Variants in CRPPA observed in about 807,000 individuals in gnomAD.
The protein encoded by CRPPA is D-ribitol-5-phosphate cytidylyltransferase.
Under a neutral mutation model 52.0 loss-of-function variants are expected in CRPPA, and 43 were observed. The ratio of observed to expected loss-of-function variants is 0.83; its 90% CI spans 0.65 to 1.07. CRPPA has a LOEUF of 1.07. Ranked by LOEUF, CRPPA falls within the 50% of genes least tolerant of loss-of-function variation. The pLI is 0.00. For missense variants in CRPPA, 629 were observed against 551.7 expected, an observed-to-expected ratio of 1.14 and a Z score of -1.40; for synonymous variants, 250 against 203.5, an observed-to-expected ratio of 1.23 and a Z score of -1.94.
intron 6 of CRPPA, among the ~76,000 whole-genome samples, chr7:16,265,886 G>A (rs1783939780): frequency 1.3e-5 from 2 of 152,112 alleles, no homozygotes. Flanking sequence ...CATAATCTAA[G>A]ATTACACAGC....
chr7:16,258,641 T>C (rs549118434), intron 7 of CRPPA, among the ~76,000 whole-genome samples, 159 bp from the exon 8 acceptor site: 2 of 152,070 alleles, frequency 1.3e-5, no homozygotes, highest in African/African-American at 4.8e-5. Context: ...CATAAAGTTA[T>C]ACATGTCAAA....
At chr7:16,130,777 G>C (rs1562519093) in intron 9 of CRPPA, among the ~76,000 whole-genome samples, 1 of 152,190 alleles carries the variant, frequency 6.6e-6, no homozygotes, top group Non-Finnish European at 1.5e-5. Context: ...TCCTTCTGTA[G>C]ACTGAATATC....
chr7:16,154,509 T>G (rs1292397659), intron 9 of CRPPA, among the ~76,000 whole-genome samples: 1 of 152,084 alleles, frequency 6.6e-6, no homozygotes, highest in Non-Finnish European at 1.5e-5. Flanking sequence ...CAGAGAAGAG[T>G]ATATCATATA....
At chr7:16,225,738 A>T (rs950073381) in intron 8 of CRPPA, among the ~76,000 whole-genome samples, 6 of 151,854 alleles carry the variant, frequency 4.0e-5, no homozygotes, top group East Asian at 1.9e-4. Context: ...TCATTTTTTT[A>T]AAAAAATACT....
At chr7:16,103,144 G>A (rs1377399963) in intron 9 of CRPPA, among the ~76,000 whole-genome samples, 1 of 152,128 alleles carries the variant, frequency 6.6e-6, no homozygotes, top group Non-Finnish European at 1.5e-5. Flanking sequence ...ATGATATTAT[G>A]TCCTTTGCAG....
intron 4 of CRPPA, among the ~76,000 whole-genome samples, chr7:16,307,622 A>G (rs1583507221): frequency 6.7e-6 from 1 of 149,662 alleles, no homozygotes; most frequent in South Asian, 2.2e-4. Context: ...GGAGGTTACA[A>G]TGAGACTGCA....
chr7:16,093,412 C>T (rs1222299638), intron 9 of CRPPA, among the ~76,000 whole-genome samples: 1 of 152,098 alleles, frequency 6.6e-6, no homozygotes, highest in Non-Finnish European at 1.5e-5. Flanking sequence ...TCACCACAAC[C>T]ATTACATGCT....
chr7:16,136,066 C>A (rs954600935), intron 9 of CRPPA, among the ~76,000 whole-genome samples: 1 of 152,152 alleles, frequency 6.6e-6, no homozygotes, highest in Non-Finnish European at 1.5e-5. Context: ...GGGACTACTT[C>A]TTAACAGCTT....
chr7:16,335,031 A>G (rs191852245), intron 3 of CRPPA, among the ~76,000 whole-genome samples: 10 of 152,022 alleles, frequency 6.6e-5, no homozygotes, highest in African/African-American at 2.2e-4. Context: ...CCTCTTAAAG[A>G]CGTTCAGGCC....
chr7:16,259,050 T>A, intron 6 of CRPPA, 38 bp from the exon 7 acceptor site: 1 of 1,375,640 alleles, frequency 7.3e-7, no homozygotes, highest in South Asian at 1.2e-5. Context: ...ACAAATTAGA[T>A]AGACCAAACA....
chr7:16,184,045 G>A (rs995971634), intron 9 of CRPPA, among the ~76,000 whole-genome samples: 9 of 151,950 alleles, frequency 5.9e-5, no homozygotes, highest in Non-Finnish European at 1.0e-4. Context: ...TGGTTCAAGC[G>A]ATTCTCCTGC....
chr7:16,267,720 T>A (rs1018805971), intron 6 of CRPPA, among the ~76,000 whole-genome samples: 2 of 152,204 alleles, frequency 1.3e-5, no homozygotes, highest in African/African-American at 4.8e-5. Context: ...ATGCATAAAG[T>A]TTTTATTTTT....
At chr7:16,174,159 A>G (rs1036594780) in intron 9 of CRPPA, among the ~76,000 whole-genome samples, 1 of 152,216 alleles carries the variant, frequency 6.6e-6, no homozygotes. Context: ...TCCATTTACA[A>G]GACACATTGC....
chr7:16,326,218 C>T (rs1430041818), intron 3 of CRPPA, among the ~76,000 whole-genome samples: 1 of 151,970 alleles, frequency 6.6e-6, no homozygotes, highest in East Asian at 1.9e-4. Flanking sequence ...TTAATGTAAG[C>T]AAAAGCATAT....
Position 16,171,322 on chromosome 7 carries a change from C to T in CRPPA, c.1251+44744G>A, listed in dbSNP as rs75686882. Reference sequence around the variant, plus strand: ...TAAAATTTACACAATAAAATATAAACGTTACTTTTTTTAATACTACTTCTC... The same window carrying T: ...TAAAATTTACACAATAAAATATAAATGTTACTTTTTTTAATACTACTTCTC... On this transcript the variant is annotated intron_variant, in intron 9 of 9. Transcript: ENST00000407010. Among the ~76,000 whole-genome samples, 482 of 152,146 alleles carry T rather than the reference C, an allele frequency of 3.2e-3. 3 individuals carry two copies. The highest frequency in any genetic ancestry group is 0.011 in the African/African-American group (455 of 41,512).
Position 16,158,309 on chromosome 7 carries a change from T to C in CRPPA, c.1251+57757A>G, listed in dbSNP as rs17169292. ...TTCATATATTATACATTATTGTCAT[T>C]ATATACATTTCCCCTTCTGAATTCT... On this transcript the variant is annotated intron_variant, in intron 9 of 9. Coordinates refer to ENST00000407010, the MANE Select transcript of CRPPA (RefSeq NM_001101426.4). Among the ~76,000 whole-genome samples, 307 of 152,298 alleles carry C rather than the reference T, an allele frequency of 2.0e-3. 2 individuals are homozygous for C. The East Asian group carries it at 0.023, about 11-fold the overall frequency.
intron 8 of CRPPA, among the ~76,000 whole-genome samples, chr7:16,244,463 T>C (rs1048364650): frequency 7.9e-5 from 12 of 152,208 alleles, no homozygotes; most frequent in Non-Finnish European, 7.3e-5. Context: ...AGAATATCTA[T>C]TGAATGACAG....
chr7:16,281,223 T>C (rs1294434878), intron 5 of CRPPA, among the ~76,000 whole-genome samples: 1 of 152,194 alleles, frequency 6.6e-6, no homozygotes, highest in African/African-American at 2.4e-5. Context: ...CCCTGTGTCC[T>C]GAAATCTTTG....
At chr7:16,340,577 A>G (rs377352591) in intron 3 of CRPPA, among the ~76,000 whole-genome samples, 3,971 of 114,470 alleles carry the variant, frequency 0.035, 205 homozygotes, top group African/African-American at 0.13. Context: ...AACATTAACT[A>G]TCAAATTGCT....
Sources: allele counts gnomAD v4.1 joint callset (sites outside exome capture counted in the v4.1 genomes callset), GRCh38; gene constraint gnomAD v4.1.1; transcripts MANE v1.5; gene names NCBI Gene and HGNC (gene_info 2026-07-23, HGNC 2026-07-21).